The following PON2 variants were observed in gnomAD, a reference collection of about 807,000 sequenced individuals.
PON2 encodes the protein paraoxonase 2.
A neutral mutation model predicts 36.6 loss-of-function variants in PON2; 27 were observed. That is an observed-to-expected ratio of 0.74 (90% CI 0.54 to 1.02). PON2 has a LOEUF of 1.02. Among genes scored for constraint, PON2 ranks in the 50% least tolerant of loss-of-function variants. The pLI, the probability that PON2 is intolerant of heterozygous loss-of-function variation, is 0.00. For missense variants in PON2, 363 were observed against 421.1 expected (o/e 0.86, Z 1.21); for synonymous variants, 149 against 156.3 (o/e 0.95, Z 0.35).
rs1789059068 is a variant in PON2 at position 95,416,250 on chromosome 7, A to G, written c.193T>C (p.Phe65Leu). The change falls in exon 3 of 9, where the codon TTT becomes CTT. Residue 65 changes from phenylalanine to leucine, a missense_variant. By Grantham distance (22) the Phe-to-Leu change is conservative. Coordinates refer to ENST00000222572, the MANE Select transcript of PON2 (RefSeq NM_000305.3). ...IDILPNGLAF[F>L]SVGLKFPGLH... The stretch of plus-strand genomic sequence containing the variant: ...AGGAAGAAGACACTCACCACACTAA[A>G]AAAAGCCAGACCATTGGGAAGTATG... 1 of 1,612,976 alleles carries G rather than the reference A, an allele frequency of 6.2e-7. No individual in the cohort carries two copies. The highest frequency in any genetic ancestry group is 8.5e-7 in the Non-Finnish European group (1 of 1,178,952).
At chr7:95,421,486 T>C (rs1403431421) in intron 2 of PON2, among the ~76,000 whole-genome samples, 1 of 152,214 alleles carries the variant, frequency 6.6e-6, no homozygotes. Flanking sequence ...TGGCTTTTGC[T>C]GAGTGACCAG....
intron 2 of PON2, among the ~76,000 whole-genome samples, chr7:95,423,490 C>T (rs1444824695): frequency 1.3e-5 from 2 of 151,950 alleles, no homozygotes; most frequent in Admixed American, 6.6e-5. Flanking sequence ...AAACTGCAAA[C>T]ACACCAGAGA....
intron 1 of PON2, 30 bp downstream of exon 1, chr7:95,434,848 C>G (rs978332492): frequency 7.7e-5 from 118 of 1,535,246 alleles, no homozygotes; most frequent in Middle Eastern, 6.4e-4. Context: ...TGGGGACCGC[C>G]GAGGAGGGGC....
rs1053164775 is a variant in PON2 at position 95,405,095 on chromosome 7, T to C, written c.*235A>G. On this transcript the variant is annotated 3_prime_UTR_variant, in exon 9 of 9. Coordinates refer to ENST00000222572, the MANE Select transcript of PON2 (RefSeq NM_000305.3). ...TTACTTTGTGCAAAATGTATTCACT[T>C]TATTCGAAAGCAGCTTTCTTTTCTG... is the stretch of plus-strand genomic sequence containing the variant. 8 of 476,742 alleles carry C rather than the reference T, an allele frequency of 1.7e-5. 1 individual carries two copies. The highest frequency in any genetic ancestry group is 1.2e-3 in the Middle Eastern group (2 of 1,642). The allele number at this position is 476,742 out of a possible 1,614,324, so 29.5% of individuals were successfully genotyped here. A position where few individuals can be genotyped will look rare whatever the true frequency, so the allele number is the denominator to read the frequency against.
chr7:95,432,847 T>C (rs1789474328), intron 1 of PON2, among the ~76,000 whole-genome samples: 1 of 152,220 alleles, frequency 6.6e-6, no homozygotes, highest in Admixed American at 6.5e-5. Flanking sequence ...GCTTTATCAG[T>C]AGATGAAACT....
intron 1 of PON2, among the ~76,000 whole-genome samples, chr7:95,431,913 T>TA (rs35310147): frequency 0.019 from 2,750 of 143,860 alleles, 58 homozygotes; most frequent in African/African-American, 0.05. Context: ...ATGCTTATAC[T>TA]AAAAAAAAAA....
rs1809637835 is a variant in PON2 at position 95,404,963 on chromosome 7, ATAG to A, written c.*364_*366del. On this transcript the variant is annotated 3_prime_UTR_variant, in exon 9 of 9. Transcript: ENST00000222572. ...ACGTTATCAGTAGTTCTAAACAGCC[ATAG>A]TAGTCACAGTGCCAGAAGTGAGGTC... 3 of 235,020 alleles carry A rather than the reference ATAG, an allele frequency of 1.3e-5. No individual in the cohort carries two copies. The highest frequency in any genetic ancestry group is 1.3e-4 in the South Asian group (2 of 15,756). 14.6% of individuals were successfully genotyped at this position (235,020 alleles called of 1,614,324 possible). A position where few individuals can be genotyped will look rare whatever the true frequency, so the allele number is the denominator to read the frequency against.
At chr7:95,417,726 C>CACACACACAGACACACACA (rs56020343) in intron 2 of PON2, among the ~76,000 whole-genome samples, 1 of 148,398 alleles carries the variant, frequency 6.7e-6, no homozygotes. Flanking sequence ...CACACACACA[C>CACACACACAGACACACACA]CGAGAGAGAA....
intron 2 of PON2, among the ~76,000 whole-genome samples, chr7:95,419,956 A>G (rs1789155310): frequency 1.3e-5 from 2 of 152,158 alleles, no homozygotes; most frequent in Non-Finnish European, 2.9e-5. Context: ...ACTATACCCA[A>G]TAGAGCATCC....
intron 2 of PON2, among the ~76,000 whole-genome samples, chr7:95,421,187 C>T (rs1321356636): frequency 6.6e-6 from 1 of 152,142 alleles, no homozygotes; most frequent in Non-Finnish European, 1.5e-5. Context: ...ATAAAGGTCA[C>T]AAACATAGAC....
intron 2 of PON2, 108 bp from the exon 3 acceptor site, chr7:95,416,405 A>G: frequency 8.0e-7 from 1 of 1,254,770 alleles, no homozygotes; most frequent in Non-Finnish European, 1.1e-6. Flanking sequence ...ATCTTTAGGG[A>G]TGGTTCTGAT....
chr7:95,416,710 GCAAA>G (rs1458012126), intron 2 of PON2, among the ~76,000 whole-genome samples: 1 of 152,170 alleles, frequency 6.6e-6, no homozygotes, highest in Non-Finnish European at 1.5e-5. Context: ...TCAATCTGAA[GCAAA>G]CAGACATCTT....
At chr7:95,406,283 T>A in intron 7 of PON2, 36 bp from the exon 8 acceptor site, 1 of 1,592,798 alleles carries the variant, frequency 6.3e-7, no homozygotes, top group Non-Finnish European at 8.6e-7. Context: ...CTAAATGACA[T>A]GAGAAACTTG....
At chr7:95,412,839 T>C (rs1308244053) in intron 3 of PON2, 7 of 328,988 alleles carry the variant, frequency 2.1e-5, no homozygotes, top group Admixed American at 9.1e-5. Flanking sequence ...TGGCATACAG[T>C]CCATCCTTCT....
intron 1 of PON2, among the ~76,000 whole-genome samples, chr7:95,428,280 A>G (rs1288959725): frequency 6.6e-6 from 1 of 152,156 alleles, no homozygotes; most frequent in East Asian, 1.9e-4. Flanking sequence ...TGGTAGGTAT[A>G]ATACAGCAAA....
In PON2 at chr7:95,412,461, C is replaced by T; in HGVS notation, c.218G>A (p.Gly73Glu). The T allele has an allele frequency of 1.2e-6, 2 of 1,614,004 alleles. No individual in the cohort carries two copies. Among genetic ancestry groups the T allele is most frequent in the East Asian group, 2.2e-5 (1 of 44,878 alleles). ...AFFSVGLKFP[G>E]LHSFAPDKPG... ...CTTATCTGGTGCAAAGCTGTGGAGT[C>T]CTGGGAATTTTAGACCCTTTCCAAA... The change falls in exon 4 of 9, where the codon GGA (glycine) becomes GAA (glutamate). Residue 73 changes from glycine (G) to glutamate (E), a missense_variant. Coordinates refer to ENST00000222572, the MANE Select transcript of PON2 (RefSeq NM_000305.3).
At chr7:95,424,801 C>G (rs1173737757) in intron 1 of PON2, among the ~76,000 whole-genome samples, 1 of 143,648 alleles carries the variant, frequency 7.0e-6, no homozygotes, top group Non-Finnish European at 1.6e-5. Flanking sequence ...GTTCTATATA[C>G]TGATGTGGGT....
chr7:95,434,882 G>A lies in PON2; in HGVS notation c.70C>T (p.Leu24Phe), dbSNP rs1049677923. 2 of 1,540,462 alleles carry A rather than the reference G, an allele frequency of 1.3e-6. No homozygotes were observed. Among genetic ancestry groups the A allele is most frequent in the African/African-American group, 1.4e-5 (1 of 72,086 alleles). The change falls in exon 1 of 9, where the codon CTC (leucine) becomes TTC (phenylalanine). Residue 24 changes from leucine to phenylalanine, a missense_variant. Physicochemically the swap from Leu to Phe is conservative, Grantham distance 22. Transcript: ENST00000222572. ...GCGCGCGGGAGTCCCACCTACCTGA[G>A]TGCCAGAAGCCTCTCGCCCAGGAGC... Reference protein sequence around the residue: ...LALLGERLLALRNRLKASREV... With the variant: ...LALLGERLLAFRNRLKASREV...
rs764533711 is a variant in PON2 at position 95,407,087 on chromosome 7, G to A, written c.696-19C>T. On this transcript the variant is annotated intron_variant, in intron 6 of 8. Transcript: ENST00000222572. ...GATATACCTTTGCAGAAAGGACACA[G>A]TGGTTAGAGCTCCATGCCAATATAA... The A allele has an allele frequency of 6.7e-7, 1 of 1,492,668 alleles. No homozygotes were observed. The highest frequency in any genetic ancestry group is 1.1e-5 in the South Asian group (1 of 88,092). 92.5% of individuals were successfully genotyped at this position (1,492,668 alleles called of 1,614,324 possible).
Sources: allele counts gnomAD v4.1 joint callset (sites outside exome capture counted in the v4.1 genomes callset), GRCh38; gene constraint gnomAD v4.1.1; transcripts MANE v1.5; gene names NCBI Gene and HGNC (gene_info 2026-07-23, HGNC 2026-07-21).